EYS: variants seen among roughly 807,000 people sequenced by gnomAD.
The protein encoded by EYS is EGF-like photoreceptor maintenance factor.
A neutral mutation model predicts 282.1 loss-of-function variants in EYS; 250 were observed. The observed-to-expected ratio is 0.89, with a 90% CI of 0.80 to 0.98. EYS has a LOEUF of 0.98. EYS is among the 50% of genes least tolerant of loss of function. The probability of loss-of-function intolerance (pLI) is 0.00; values close to 1 mark genes in which losing one functional copy is unlikely to be tolerated. For missense variants in EYS, 4,016 were observed against 3,709.0 expected (o/e 1.08, Z -2.15); for synonymous variants, 1,355 against 1,282.9 (o/e 1.06, Z -1.20).
chr6:64,152,591 A>G (rs2150295495), intron 31 of EYS, among the ~76,000 whole-genome samples: 1 of 152,316 alleles, frequency 6.6e-6, no homozygotes, highest in African/African-American at 2.4e-5. Flanking sequence ...CCTAGCTTTT[A>G]GAAGCAGGGT....
rs539785406 is a variant in EYS at position 64,438,850 on chromosome 6, G to A, written c.5835+312C>T. ...TCCAGAAAAAATAGAGACCTTTTGA[G>A]CAAAATACTCTGACAATTATATTTT... On this transcript the variant is annotated intron_variant, in intron 27 of 42. Transcript: ENST00000503581. 5.3e-5 allele frequency among the ~76,000 whole-genome samples: 8 copies of A among 151,572 alleles called. No individual in the cohort carries two copies. In the South Asian group the frequency reaches 1.7e-3, roughly 31 times the overall value.
At chr6:65,113,900 T>C (rs72879851) in intron 12 of EYS, among the ~76,000 whole-genome samples, 39,764 of 151,780 alleles carry the variant, frequency 0.26, 6,385 homozygotes, top group African/African-American at 0.45. Flanking sequence ...AGATTCCTCT[T>C]TGTAGGTGTG....
chr6:65,189,001 T>C (rs1417939952), intron 12 of EYS, among the ~76,000 whole-genome samples: 1 of 151,574 alleles, frequency 6.6e-6, no homozygotes, highest in Non-Finnish European at 1.5e-5. Flanking sequence ...TTTGTAAAGG[T>C]AACCATATAA....
intron 31 of EYS, among the ~76,000 whole-genome samples, chr6:64,118,355 A>G (rs1290581686): frequency 1.3e-5 from 2 of 152,142 alleles, no homozygotes; most frequent in Non-Finnish European, 2.9e-5. Context: ...GGTCAATAGT[A>G]TAGAATATAA....
At chr6:65,706,415 T>A (rs1445569730) in intron 1 of EYS, among the ~76,000 whole-genome samples, 2 of 152,078 alleles carry the variant, frequency 1.3e-5, no homozygotes, top group African/African-American at 4.8e-5. Flanking sequence ...AACTAATAAA[T>A]CTTATTGAAC....
At chr6:65,226,938 A>G (rs1461040894) in intron 12 of EYS, among the ~76,000 whole-genome samples, 1 of 152,174 alleles carries the variant, frequency 6.6e-6, no homozygotes, top group Non-Finnish European at 1.5e-5. Context: ...ATTCAGTTAT[A>G]AAAGCAAAAT....
At chr6:65,091,498 T>C (rs1200960602) in intron 12 of EYS, among the ~76,000 whole-genome samples, 2 of 135,566 alleles carry the variant, frequency 1.5e-5, no homozygotes, top group Non-Finnish European at 3.2e-5. Flanking sequence ...TGCTTAATAA[T>C]AAAAAGAAGT....
intron 22 of EYS, among the ~76,000 whole-genome samples, chr6:64,642,851 C>T (rs889914218): frequency 6.6e-6 from 1 of 152,228 alleles, no homozygotes; most frequent in Non-Finnish European, 1.5e-5. Flanking sequence ...TGCGGTGGCT[C>T]ACGCCTGTAA....
intron 2 of EYS, among the ~76,000 whole-genome samples, chr6:65,501,151 G>A (rs1445948766): frequency 2.6e-5 from 4 of 151,384 alleles, no homozygotes; most frequent in South Asian, 2.1e-4. Flanking sequence ...AAGTGAAATC[G>A]GTTTTCTGTA....
chr6:63,798,445 A>G (rs1392298667), intron 37 of EYS, among the ~76,000 whole-genome samples: 1 of 152,248 alleles, frequency 6.6e-6, no homozygotes, highest in Non-Finnish European at 1.5e-5. Context: ...GTGTGATTAC[A>G]GAATAAAATA....
At chr6:63,781,920 T>G (rs973121634) in intron 39 of EYS, among the ~76,000 whole-genome samples, 17 of 152,210 alleles carry the variant, frequency 1.1e-4, no homozygotes, top group African/African-American at 3.9e-4. Context: ...TTGAGATACA[T>G]CCCATCAATA....
At position 65,317,777 on chromosome 6, in the gene EYS, T is replaced by TTCCTTCCTTCCTTC. The variant is rs1769333110; in HGVS notation, c.1766+17202_1766+17203insGAAGGAAGGAAGGA. Among the ~76,000 whole-genome samples, 56 of 57,420 alleles carry TTCCTTCCTTCCTTC rather than the reference T, an allele frequency of 9.8e-4. 6 individuals are homozygous for TTCCTTCCTTCCTTC. The highest frequency in any genetic ancestry group is 1.2e-3 in the Non-Finnish European group (31 of 25,484). 37.7% of individuals were successfully genotyped at this position (57,420 alleles called of 152,430 possible). On this transcript the variant is annotated intron_variant, in intron 11 of 42. Transcript: ENST00000503581. The stretch of plus-strand genomic sequence containing the variant: ...GCTCTTGGCTGGAGGCTACATTTTC[T>TTCCTTCCTTCCTTC]CTTCCTTCCTTCCTTCCTTCCTTCC...
chr6:63,987,229 C>T (rs1432996285), intron 34 of EYS, among the ~76,000 whole-genome samples: 1 of 151,646 alleles, frequency 6.6e-6, no homozygotes, highest in Non-Finnish European at 1.5e-5. Context: ...GAATAGCTTG[C>T]TGTTTTTTCA....
intron 12 of EYS, among the ~76,000 whole-genome samples, chr6:65,273,864 A>G (rs1303697405): frequency 6.6e-6 from 1 of 152,172 alleles, no homozygotes; most frequent in African/African-American, 2.4e-5. Context: ...CCTAAAATAA[A>G]CAATCCTCCT....
intron 33 of EYS, among the ~76,000 whole-genome samples, chr6:64,045,842 GAT>G (rs892267104): frequency 2.0e-5 from 3 of 147,338 alleles, no homozygotes; most frequent in African/African-American, 7.4e-5. Context: ...TATATGCATA[GAT>G]ATGTGTCATG....
At chr6:64,176,499 T>TTGTGTGTG (rs111683045) in intron 31 of EYS, among the ~76,000 whole-genome samples, 5 of 147,064 alleles carry the variant, frequency 3.4e-5, no homozygotes, top group African/African-American at 5.0e-5. Context: ...CATATCACGA[T>TTGTGTGTG]TGTGTGTGTG....
chr6:63,754,813 G>T (rs868342795), intron 41 of EYS, among the ~76,000 whole-genome samples: 29 of 152,164 alleles, frequency 1.9e-4, no homozygotes, highest in African/African-American at 6.8e-4. Flanking sequence ...CACCAACAGT[G>T]TAAAGGCATT....
intron 30 of EYS, among the ~76,000 whole-genome samples, chr6:64,260,680 A>G (rs1371142480): frequency 4.6e-5 from 7 of 152,154 alleles, no homozygotes; most frequent in African/African-American, 1.2e-4. Flanking sequence ...GTTTTGCATT[A>G]TACTTGTGGA....
chr6:64,264,102 A>AAAC (rs16720), intron 30 of EYS, among the ~76,000 whole-genome samples: 105,561 of 151,554 alleles, frequency 0.7, 36,795 homozygotes, highest in African/African-American at 0.72. Flanking sequence ...GCTAAAAGAA[A>AAAC]AACAACAACA....
Sources: gnomAD v4.1 joint callset for allele counts (sites outside exome capture counted in the v4.1 genomes callset) on GRCh38, gnomAD v4.1.1 for gene constraint, MANE v1.5 for transcripts, NCBI Gene and HGNC (gene_info 2026-07-23, HGNC 2026-07-21) for gene names.